LRRC8E: variants seen among roughly 807,000 people sequenced by gnomAD.
LRRC8E encodes leucine rich repeat containing 8 VRAC subunit E, also known as volume-regulated anion channel subunit LRRC8E.
Under a neutral mutation model 6.1 loss-of-function variants are expected in LRRC8E, and 6 were observed. That is an observed-to-expected ratio of 0.98 (90% CI 0.54 to 1.93). The LOEUF is 1.93. Ranked by LOEUF, LRRC8E falls within the 30% of genes most tolerant of loss-of-function variation. The pLI, the probability that LRRC8E is intolerant of heterozygous loss-of-function variation, is 0.01. For missense variants in LRRC8E, 1,028 were observed against 1,031.4 expected, an observed-to-expected ratio of 1.00 and a Z score of 0.04; for synonymous variants, 485 against 472.8, an observed-to-expected ratio of 1.03 and a Z score of -0.33.
In LRRC8E at chr19:7,897,611, C is replaced by CA. The variant is rs199870590; in HGVS notation, c.139-1050_139-1049insA. On this transcript the variant is annotated intron_variant, in intron 2 of 2. Transcript: ENST00000306708. ...TCCTCTACCACCCCCGCTTGGCCCC[C>CA]CCTCCCACTGCCTCCCAAATCACTG... Among the ~76,000 whole-genome samples the CA allele has an allele frequency of 6.8e-4, 102 of 151,036 alleles. 1 individual carries two copies. The East Asian group carries it at 0.019, about 28-fold the overall frequency.
At chr19:7,892,962 C>A (rs1356090821) in intron 1 of LRRC8E, among the ~76,000 whole-genome samples, 1 of 152,114 alleles carries the variant, frequency 6.6e-6, no homozygotes. Context: ...GTAACCGGGA[C>A]TACAGGCACC....
At chr19:7,890,057 T>TAAA (rs113067182) in intron 1 of LRRC8E, among the ~76,000 whole-genome samples, 2 of 142,770 alleles carry the variant, frequency 1.4e-5, no homozygotes, top group Non-Finnish European at 1.5e-5. Context: ...ACTCTATGTC[T>TAAA]AAAAAAAAAA....
chr19:7,891,434 G>A (rs887231802), intron 1 of LRRC8E, among the ~76,000 whole-genome samples: 2 of 152,018 alleles, frequency 1.3e-5, no homozygotes, highest in Admixed American at 6.6e-5. Context: ...CCTGAGTGTT[G>A]CTGCCTTCTT....
Position 7,898,846 on chromosome 19 carries a change from G to GA in LRRC8E, c.325dup (p.Thr109AsnfsTer39), listed in dbSNP as rs775027116. On this transcript the variant is annotated frameshift_variant, in exon 3 of 3. Transcript: ENST00000306708. LOFTEE classifies it low-confidence loss of function (END_TRUNC). ...GCTTTATTAACCAGCTGTGTTATGA[G>GA]ACGGCCCTGCACTGGTATGCCAAGT... The GA allele has an allele frequency of 3.1e-6, 5 of 1,614,224 alleles. No individual in the cohort carries two copies. The highest frequency in any genetic ancestry group is 1.7e-5 in the Admixed American group (1 of 60,026).
chr19:7,895,878 T>C lies in LRRC8E; in HGVS notation c.138+137T>C. 1 of 1,009,714 alleles carries C rather than the reference T, an allele frequency of 9.9e-7. No homozygotes were observed. Among genetic ancestry groups the C allele is most frequent in the Non-Finnish European group, 1.4e-6 (1 of 695,668 alleles). The allele number at this position is 1,009,714 out of a possible 1,614,324, so 62.5% of individuals were successfully genotyped here. On this transcript the variant is annotated intron_variant, in intron 2 of 2. Transcript: ENST00000306708. This position sits in a 1 kb window ranked among gnomAD's most constrained non-coding sequence, Gnocchi z 4.7. The stretch of plus-strand genomic sequence containing the variant: ...CCACTCAAAGGCCAATCCAGACCCC[T>C]TATCTTCCTTACCTCCATAGCCAGG...
In LRRC8E at chr19:7,895,713, T is replaced by A; in HGVS notation, c.110T>A (p.Met37Lys). 1.2e-6 allele frequency: 2 copies of A among 1,614,084 alleles called. No individual in the cohort carries two copies. Among genetic ancestry groups the A allele is most frequent in the Non-Finnish European group, 1.7e-6 (2 of 1,179,960 alleles). ...GAGTACCTCACCGTGGCCATGCTCA[T>A]GATTGGGGTCTTTGGCTGCACCCTC... is the stretch of plus-strand genomic sequence containing the variant. ...LAEYLTVAML[M>K]IGVFGCTLQV... The change falls in exon 2 of 3, where the codon ATG (methionine) becomes AAG (lysine). Residue 37 changes from methionine to lysine, a missense_variant. Coordinates refer to ENST00000306708, the MANE Select transcript of LRRC8E (RefSeq NM_025061.6). This position sits in a 1 kb window ranked among gnomAD's most constrained non-coding sequence, Gnocchi z 4.7.
At chr19:7,897,534 G>A (rs1016132290) in intron 2 of LRRC8E, among the ~76,000 whole-genome samples, 2 of 145,570 alleles carry the variant, frequency 1.4e-5, no homozygotes, top group Non-Finnish European at 3.0e-5. Context: ...CTGGAGTGCA[G>A]TGGCGCAATA....
Position 7,899,170 on chromosome 19 carries a change from G to A in LRRC8E, c.648G>A (p.Glu216=), listed in dbSNP as rs760815744. Residue 216 remains glutamate (E), a synonymous_variant, in exon 3 of 3, where the codon GAG becomes GAA. Coordinates refer to ENST00000306708, the MANE Select transcript of LRRC8E (RefSeq NM_025061.6). ...CGGAACCGGAGAAGGTGGTGACCGA[G>A]CCTCCAGTTGTCACCCTGTTGGACA... The part of the protein sequence containing the change: ...VLAEPEKVVT[E]PPVVTLLDKK... 6.2e-7 allele frequency: 1 copy of A among 1,614,086 alleles called. No individual in the cohort carries two copies. Among genetic ancestry groups the A allele is most frequent in the Non-Finnish European group, 8.5e-7 (1 of 1,179,964 alleles).
chr19:7,890,681 C>T (rs999337798), intron 1 of LRRC8E, among the ~76,000 whole-genome samples: 5 of 151,406 alleles, frequency 3.3e-5, no homozygotes, highest in Non-Finnish European at 5.9e-5. Context: ...CCCAGCTACT[C>T]GGGAGGCTGA....
At chr19:7,891,282 G>T (rs144689894) in intron 1 of LRRC8E, among the ~76,000 whole-genome samples, 1 of 152,178 alleles carries the variant, frequency 6.6e-6, no homozygotes, top group Admixed American at 6.6e-5. Context: ...TCGAGCCCCT[G>T]TTCCTGGACC....
At chr19:7,897,175 T>TC (rs1366043535) in intron 2 of LRRC8E, among the ~76,000 whole-genome samples, 11 of 151,188 alleles carry the variant, frequency 7.3e-5, no homozygotes, top group Admixed American at 7.3e-4. Flanking sequence ...TCTTTTTCTT[T>TC]TTCTTTTTTT....
chr19:7,892,218 G>T lies in LRRC8E; in HGVS notation c.-5-3381G>T, dbSNP rs985710515. Among the ~76,000 whole-genome samples the T allele has an allele frequency of 4.0e-5, 6 of 151,492 alleles. No individual in the cohort carries two copies. In the East Asian group the frequency reaches 1.2e-3, roughly 29 times the overall value. On this transcript the variant is annotated intron_variant, in intron 1 of 2. Transcript: ENST00000306708. ...CTCCCAAGTAGCTGGGACTACAGGCGTCTGCCACTATGCCCGGCTAATTTT... is the reference window on the plus strand; with the variant it reads ...CTCCCAAGTAGCTGGGACTACAGGCTTCTGCCACTATGCCCGGCTAATTTT...
rs746703935 is a variant in LRRC8E, at chr19:7,895,568, T to C, written c.-5-31T>C. 6.2e-7 allele frequency: 1 copy of C among 1,601,254 alleles called. No homozygotes were observed. Among genetic ancestry groups the C allele is most frequent in the Admixed American group, 1.7e-5 (1 of 59,800 alleles). On this transcript the variant is annotated intron_variant, in intron 1 of 2. Coordinates refer to ENST00000306708, the MANE Select transcript of LRRC8E (RefSeq NM_025061.6). This position sits in a 1 kb window ranked among gnomAD's most constrained non-coding sequence, Gnocchi z 4.7. The stretch of plus-strand genomic sequence containing the variant: ...GAGCCTCCCATCCTGAGGGTCTCTC[T>C]CTACACCCCCCGTCTCGTCCCGTCC...
chr19:7,897,679 C>T (rs1209892784), intron 2 of LRRC8E, among the ~76,000 whole-genome samples: 1 of 148,092 alleles, frequency 6.8e-6, no homozygotes, highest in Non-Finnish European at 1.5e-5. Context: ...CTCCCTGTAT[C>T]CTCACGTCAT....
intron 2 of LRRC8E, among the ~76,000 whole-genome samples, chr19:7,897,268 C>A (rs1321825290): frequency 6.6e-6 from 1 of 151,534 alleles, no homozygotes; most frequent in Non-Finnish European, 1.5e-5. Context: ...CTCCCGGGTT[C>A]CAACAATTCT....
chr19:7,898,480 C>T (rs1042100293), intron 2 of LRRC8E, among the ~76,000 whole-genome samples, 181 bp from the exon 3 acceptor site: 4 of 152,184 alleles, frequency 2.6e-5, no homozygotes, highest in Non-Finnish European at 4.4e-5. Context: ...CTGCCTCAGC[C>T]TCCCGAGTAG....
In LRRC8E at chr19:7,899,874, C is replaced by T; in HGVS notation, c.1352C>T (p.Thr451Ile). 18 of 1,606,724 alleles carry T rather than the reference C, an allele frequency of 1.1e-5. No individual in the cohort carries two copies. The highest frequency in any genetic ancestry group is 1.5e-5 in the Non-Finnish European group (18 of 1,179,976). Residue 451 changes from threonine to isoleucine, a missense_variant, in exon 3 of 3, where the codon ACC becomes ATC. By Grantham distance (89) the Thr-to-Ile change is moderately conservative. Coordinates refer to ENST00000306708, the MANE Select transcript of LRRC8E (RefSeq NM_025061.6). ...AGGCTGGAGGCCATCTGCGATATCA[C>T]CTTCCCCCCGGGGCTGTCACAGCTG... ...SLRLEAICDI[T>I]FPPGLSQLVH...
chr19:7,888,905 T>C (rs1452591572), intron 1 of LRRC8E, among the ~76,000 whole-genome samples: 1 of 152,216 alleles, frequency 6.6e-6, no homozygotes, highest in Admixed American at 6.5e-5. Flanking sequence ...CCCCTTGGCA[T>C]CTGGGAAGAC....
Position 7,900,857 on chromosome 19 carries a change from G to A in LRRC8E, c.2335G>A (p.Asp779Asn), listed in dbSNP as rs758960100. Reference protein sequence around the residue: ...GLKKAGLLVEDTLYQGLPAEV... With the variant: ...GLKKAGLLVENTLYQGLPAEV... ...CAAGAAGGCGGGGCTCCTGGTGGAA[G>A]ACACGCTTTACCAGGGTCTGCCGGC... The change falls in exon 3 of 3, where the codon GAC (aspartate) becomes AAC (asparagine). Residue 779 changes from aspartate to asparagine, a missense_variant. By Grantham distance (23) the Asp-to-Asn change is conservative (BLOSUM62 1). Coordinates refer to ENST00000306708, the MANE Select transcript of LRRC8E (RefSeq NM_025061.6). This position sits in a 1 kb window ranked among gnomAD's most constrained non-coding sequence, Gnocchi z 5.0. 1.9e-6 allele frequency: 3 copies of A among 1,551,428 alleles called. No individual in the cohort carries two copies. Among genetic ancestry groups the A allele is most frequent in the South Asian group, 2.5e-5 (2 of 81,356 alleles).
Sources: allele counts gnomAD v4.1 joint callset (sites outside exome capture counted in the v4.1 genomes callset), GRCh38; gene constraint gnomAD v4.1.1; non-coding constraint Gnocchi (gnomAD v3.1); transcripts MANE v1.5; gene names NCBI Gene and HGNC (gene_info 2026-07-23, HGNC 2026-07-21).